The following ATXN7 variants were observed in gnomAD, a reference collection of about 807,000 sequenced individuals.
ATXN7 encodes the protein ataxin-7.
A neutral mutation model predicts 70.5 loss-of-function variants in ATXN7; 12 were observed. That is an observed-to-expected ratio of 0.17 (90% CI 0.11 to 0.28). The LOEUF (loss-of-function observed/expected upper bound fraction) is 0.28, where lower values mean the gene tolerates loss of function less well. ATXN7 is among the 10% of genes least tolerant of loss of function. ATXN7 has a pLI of 1.00. For missense variants in ATXN7, 1,256 were observed against 1,131.7 expected (o/e 1.11, Z -1.58); for synonymous variants, 498 against 448.7 (o/e 1.11, Z -1.39).
chr3:63,883,991 CA>C (rs982285212), intron 1 of ATXN7, among the ~76,000 whole-genome samples: 2 of 151,926 alleles, frequency 1.3e-5, no homozygotes, highest in African/African-American at 4.8e-5. Flanking sequence ...TTTTATGCCA[CA>C]AAAGGAAGAT....
intron 1 of ATXN7, among the ~76,000 whole-genome samples, chr3:63,871,152 AC>A (rs1250144114): frequency 6.6e-6 from 1 of 152,184 alleles, no homozygotes; most frequent in Non-Finnish European, 1.5e-5. Flanking sequence ...TTTGGAGTTT[AC>A]CTTTTCAAAA....
chr3:63,991,981 G>T (rs1009040656), intron 11 of ATXN7, among the ~76,000 whole-genome samples: 18 of 152,144 alleles, frequency 1.2e-4, no homozygotes, highest in Non-Finnish European at 2.9e-5. Context: ...GGAACATCTT[G>T]GAGAACTAGT....
chr3:63,993,212 G>C (rs2075699847), intron 11 of ATXN7, among the ~76,000 whole-genome samples: 1 of 151,558 alleles, frequency 6.6e-6, no homozygotes, highest in Non-Finnish European at 1.5e-5. Context: ...TGTTGATTTG[G>C]GACCAGTATC....
chr3:63,975,038 C>T (rs2075370262), intron 5 of ATXN7, among the ~76,000 whole-genome samples: 1 of 152,182 alleles, frequency 6.6e-6, no homozygotes, highest in Non-Finnish European at 1.5e-5. Flanking sequence ...TTACAGTTTT[C>T]TGTGTTCACC....
At chr3:63,871,626 G>T (rs1309961266) in intron 1 of ATXN7, among the ~76,000 whole-genome samples, 1 of 151,996 alleles carries the variant, frequency 6.6e-6, no homozygotes, top group Non-Finnish European at 1.5e-5. Context: ...GGAATATGCT[G>T]CAATCTTTAA....
At chr3:63,995,303 C>T (rs1172465169) in intron 11 of ATXN7, among the ~76,000 whole-genome samples, 3 of 152,044 alleles carry the variant, frequency 2.0e-5, no homozygotes, top group Non-Finnish European at 2.9e-5. Flanking sequence ...GGGAGTTGCA[C>T]ACATACAGTT....
At chr3:63,946,642 CAAA>C (rs1201416885) in intron 4 of ATXN7, among the ~76,000 whole-genome samples, 14 of 75,458 alleles carry the variant, frequency 1.9e-4, no homozygotes, top group Non-Finnish European at 1.7e-4. Context: ...GACTCTGTCT[CAAA>C]AAAAAAAAAA....
chr3:63,940,285 T>TCACACACACACACACACA (rs34660611), intron 4 of ATXN7, among the ~76,000 whole-genome samples: 2 of 141,442 alleles, frequency 1.4e-5, no homozygotes, highest in African/African-American at 2.6e-5. Flanking sequence ...CCATGCCCCA[T>TCACACACACACACACACA]CACACACACA....
Position 64,002,540 on chromosome 3 carries a change from G to C in ATXN7, c.*3073G>C, listed in dbSNP as rs1220101871. ...GCGTGTGTGTGTATACTCAGCACAT[G>C]TATGTTACTATGTGATGTGGTTTAA... On this transcript the variant is annotated 3_prime_UTR_variant, in exon 13 of 13. Transcript: ENST00000674280. 6.6e-6 allele frequency: 1 copy of C among 152,060 alleles called. No homozygotes were observed. Among genetic ancestry groups the C allele is most frequent in the Non-Finnish European group, 1.5e-5 (1 of 68,002 alleles). 9.4% of individuals were successfully genotyped at this position (152,060 alleles called of 1,614,324 possible).
At chr3:63,990,638 C>G in intron 10 of ATXN7, 100 bp from the exon 11 acceptor site, 1 of 1,566,770 alleles carries the variant, frequency 6.4e-7, no homozygotes, top group Admixed American at 1.7e-5. Context: ...AGAGGCAGTT[C>G]TGTCTTTCCT....
intron 2 of ATXN7, 60 bp from the exon 3 acceptor site, chr3:63,912,528 C>A: frequency 9.6e-7 from 1 of 1,043,890 alleles, no homozygotes; most frequent in Non-Finnish European, 1.2e-6. Context: ...AACTCCCTGG[C>A]GCCTCCTTAA....
At chr3:63,898,155 T>A (rs1374781361) in intron 1 of ATXN7, among the ~76,000 whole-genome samples, 1 of 152,158 alleles carries the variant, frequency 6.6e-6, no homozygotes, top group Non-Finnish European at 1.5e-5. Flanking sequence ...GGAGGCTAAC[T>A]CTGTGTACAT....
At chr3:63,992,360 CAG>C (rs1230046507) in intron 11 of ATXN7, among the ~76,000 whole-genome samples, 1 of 152,168 alleles carries the variant, frequency 6.6e-6, no homozygotes, top group Non-Finnish European at 1.5e-5. Flanking sequence ...GACACAGAAT[CAG>C]GGGACTGGGT....
chr3:63,981,471 G>A (rs752459822), intron 6 of ATXN7, among the ~76,000 whole-genome samples: 40 of 152,304 alleles, frequency 2.6e-4, no homozygotes, highest in Middle Eastern at 3.4e-3. Context: ...TAGGAACCAG[G>A]CCAGTTGTTA....
At chr3:63,869,256 C>T (rs192745751) in intron 1 of ATXN7, among the ~76,000 whole-genome samples, 68 of 152,190 alleles carry the variant, frequency 4.5e-4, no homozygotes, top group African/African-American at 1.4e-3. Flanking sequence ...CAACTTGGTC[C>T]AGTCTCCTTC....
chr3:63,961,979 A>G (rs575077329), intron 5 of ATXN7, among the ~76,000 whole-genome samples: 1 of 152,294 alleles, frequency 6.6e-6, no homozygotes, highest in East Asian at 1.9e-4. Flanking sequence ...TTTCAACCCC[A>G]CTAAGCTGTG....
chr3:63,884,232 C>G (rs1703006079), intron 1 of ATXN7, among the ~76,000 whole-genome samples: 1 of 147,140 alleles, frequency 6.8e-6, no homozygotes, highest in South Asian at 2.1e-4. Flanking sequence ...CACACACACA[C>G]ACACACACAT....
intron 6 of ATXN7, 59 bp downstream of exon 6, chr3:63,980,226 T>G: frequency 1.9e-6 from 3 of 1,590,570 alleles, no homozygotes; most frequent in Non-Finnish European, 1.7e-6. Context: ...CTGTGTACAC[T>G]AGTGGCATGT....
chr3:63,976,463 G>A (rs948461932), intron 5 of ATXN7, among the ~76,000 whole-genome samples: 8 of 152,108 alleles, frequency 5.3e-5, no homozygotes, highest in Non-Finnish European at 1.0e-4. Flanking sequence ...AAATTCACAT[G>A]ATAGATTGTC....
Sources: gnomAD v4.1 joint callset for allele counts (sites outside exome capture counted in the v4.1 genomes callset) on GRCh38, gnomAD v4.1.1 for gene constraint, MANE v1.5 for transcripts, NCBI Gene and HGNC (gene_info 2026-07-23, HGNC 2026-07-21) for gene names.